SGPP1: variants seen among roughly 807,000 people sequenced by gnomAD.
SGPP1 encodes the protein hSPP1.
In SGPP1, 21 loss-of-function variants were observed where a neutral mutation model predicts 33.0. The observed-to-expected ratio is 0.64, with a 90% CI of 0.45 to 0.92. The LOEUF (loss-of-function observed/expected upper bound fraction) is 0.92, where lower values mean the gene tolerates loss of function less well. SGPP1 is among the 40% of genes least tolerant of loss of function. The pLI is 0.00. For missense variants in SGPP1, 543 were observed against 589.4 expected, an observed-to-expected ratio of 0.92 and a Z score of 0.81; for synonymous variants, 239 against 241.2, an observed-to-expected ratio of 0.99 and a Z score of 0.08.
chr14:63,710,735 T>C (rs568460987), intron 1 of SGPP1, among the ~76,000 whole-genome samples: 24 of 152,354 alleles, frequency 1.6e-4, no homozygotes, highest in African/African-American at 5.1e-4. Context: ...CCAGACTCTG[T>C]ACCTGTTCTC....
At chr14:63,687,947 CCT>C (rs1885014630) in intron 2 of SGPP1, among the ~76,000 whole-genome samples, 1 of 152,022 alleles carries the variant, frequency 6.6e-6, no homozygotes, top group Non-Finnish European at 1.5e-5. Context: ...ATGGTGAAAC[CCT>C]GTCTCTACTA....
At chr14:63,702,355 T>G (rs1420635404) in intron 1 of SGPP1, among the ~76,000 whole-genome samples, 2 of 152,152 alleles carry the variant, frequency 1.3e-5, no homozygotes, top group African/African-American at 2.4e-5. Context: ...TTGACCGACT[T>G]TTTTTGGTCA....
chr14:63,718,990 A>T (rs956712726), intron 1 of SGPP1, among the ~76,000 whole-genome samples: 1 of 15,908 alleles, frequency 6.3e-5, no homozygotes, highest in Non-Finnish European at 1.2e-4. Context: ...ATATATATAT[A>T]TATATATATA....
At chr14:63,711,678 G>C (rs2139647298) in intron 1 of SGPP1, among the ~76,000 whole-genome samples, 1 of 152,260 alleles carries the variant, frequency 6.6e-6, no homozygotes, top group Middle Eastern at 3.4e-3. Flanking sequence ...TGATTTAAAT[G>C]TTAAACTTGT....
intron 1 of SGPP1, among the ~76,000 whole-genome samples, chr14:63,708,208 A>G (rs1334263286): frequency 1.4e-5 from 2 of 138,696 alleles, no homozygotes; most frequent in African/African-American, 5.4e-5. Flanking sequence ...ACCTAACCCA[A>G]TCTTTCTTTT....
chr14:63,687,229 C>G (rs1307620298), intron 2 of SGPP1, among the ~76,000 whole-genome samples: 1 of 151,994 alleles, frequency 6.6e-6, no homozygotes, highest in South Asian at 2.1e-4. Context: ...TCACTTGAGG[C>G]CAGGAGTTCA....
intron 2 of SGPP1, among the ~76,000 whole-genome samples, chr14:63,688,315 C>CAAAAAAAAAAA (rs71120275): frequency 1.9e-4 from 6 of 31,412 alleles, no homozygotes; most frequent in African/African-American, 6.0e-4. Flanking sequence ...GACTCTGTCT[C>CAAAAAAAAAAA]AAAAAAAAAA....
intron 2 of SGPP1, among the ~76,000 whole-genome samples, chr14:63,692,004 TA>T (rs1885102447): frequency 6.6e-6 from 1 of 152,198 alleles, no homozygotes; most frequent in African/African-American, 2.4e-5. Flanking sequence ...AGGTATTCTT[TA>T]GACTCATCAC....
chr14:63,714,537 C>T (rs1885581865), intron 1 of SGPP1, among the ~76,000 whole-genome samples: 1 of 152,090 alleles, frequency 6.6e-6, no homozygotes, highest in Non-Finnish European at 1.5e-5. Context: ...CCTCCCACCT[C>T]AGCTTCCCAA....
chr14:63,688,719 TTTTTTC>T lies in SGPP1; in HGVS notation c.775-2069_775-2064del, dbSNP rs1210956474. Reference sequence around the variant, plus strand: ...TTCAAAAACAACCGTCATTTCTTTTTTTTTTCTTTTTTTTTTTTTTGAGATGGAGTC... The same window carrying T: ...TTCAAAAACAACCGTCATTTCTTTTTTTTTTTTTTTTTTTGAGATGGAGTC... On this transcript the variant is annotated intron_variant, in intron 2 of 2. Transcript: ENST00000247225. 5.0e-3 allele frequency among the ~76,000 whole-genome samples: 715 copies of T among 144,264 alleles called. 10 individuals are homozygous for T. The highest frequency in any genetic ancestry group is 0.02 in the African/African-American group (695 of 35,256). The allele number at this position is 144,264 out of a possible 152,430, so 94.6% of individuals were successfully genotyped here.
chr14:63,704,955 G>A (rs188329768), intron 1 of SGPP1, among the ~76,000 whole-genome samples: 19 of 152,094 alleles, frequency 1.2e-4, no homozygotes, highest in African/African-American at 4.6e-4. Context: ...GTGAGACCCT[G>A]TCTCTATGAA....
intron 1 of SGPP1, among the ~76,000 whole-genome samples, chr14:63,722,592 TAA>T (rs1491082613): frequency 2.7e-5 from 4 of 147,048 alleles, no homozygotes; most frequent in African/African-American, 1.1e-4. Context: ...TTATAAAATA[TAA>T]TTATTATAAT....
Position 63,727,811 on chromosome 14 carries a change from G to T in SGPP1, c.134C>A (p.Ala45Glu). ...RSADRREDEK[A>E]EAPLAGDPRL... ...AGGGTCTCCGGCGAGAGGCGCCTCC[G>T]CTTTCTCATCCTCCCTCCGGTCTGC... Residue 45 changes from alanine (A) to glutamate (E), a missense_variant, in exon 1 of 3, where the codon GCG becomes GAG. By Grantham distance (107) the Ala-to-Glu change is moderately radical. Coordinates refer to ENST00000247225, the MANE Select transcript of SGPP1 (RefSeq NM_030791.4). 6.6e-7 allele frequency: 1 copy of T among 1,506,512 alleles called. No individual in the cohort carries two copies. The allele number at this position is 1,506,512 out of a possible 1,614,324, so 93.3% of individuals were successfully genotyped here. A position where few individuals can be genotyped will look rare whatever the true frequency, so the allele number is the denominator to read the frequency against.
At chr14:63,707,878 G>A (rs1272725846) in intron 1 of SGPP1, among the ~76,000 whole-genome samples, 1 of 152,076 alleles carries the variant, frequency 6.6e-6, no homozygotes, top group African/African-American at 2.4e-5. Context: ...CTCCAGGGTT[G>A]AGAACAAATC....
intron 1 of SGPP1, among the ~76,000 whole-genome samples, chr14:63,709,267 G>A (rs777652492): frequency 1.3e-5 from 2 of 151,812 alleles, no homozygotes; most frequent in African/African-American, 4.8e-5. Flanking sequence ...CCAGCTACTC[G>A]GGAGGCTGAG....
chr14:63,709,156 C>T (rs1885474402), intron 1 of SGPP1, among the ~76,000 whole-genome samples: 1 of 152,132 alleles, frequency 6.6e-6, no homozygotes, highest in Admixed American at 6.5e-5. Flanking sequence ...GGGTGGATCA[C>T]CTGAGGTCAG....
chr14:63,690,174 G>A (rs1885062541), intron 2 of SGPP1, among the ~76,000 whole-genome samples: 1 of 152,128 alleles, frequency 6.6e-6, no homozygotes, highest in Non-Finnish European at 1.5e-5. Context: ...TGAGTAACTG[G>A]GACTACAAGC....
Position 63,727,522 on chromosome 14 carries a change from T to G in SGPP1, c.423A>C (p.Glu141Asp), listed in dbSNP as rs1475716447. 6.2e-7 allele frequency: 1 copy of G among 1,613,902 alleles called. No individual in the cohort carries two copies. The highest frequency in any genetic ancestry group is 8.5e-7 in the Non-Finnish European group (1 of 1,179,974). The stretch of plus-strand genomic sequence containing the variant: ...AGGGGAAGAACAGGATGTAGAAGAG[T>G]TCGTTGCCCAGCTCCGTGCCGAAGC... ...LFCFGTELGN[E>D]LFYILFFPFW... is the part of the protein sequence containing the mutation. The change falls in exon 1 of 3, where the codon GAA becomes GAC. Residue 141 changes from glutamate to aspartate, a missense_variant. Transcript: ENST00000247225.
intron 1 of SGPP1, among the ~76,000 whole-genome samples, chr14:63,708,228 A>ACTCACTG (rs945448096): frequency 4.4e-5 from 6 of 135,022 alleles, no homozygotes; most frequent in Non-Finnish European, 9.6e-5. Context: ...TTTTCTTGGT[A>ACTCACTG]CTCACTGGCT....
Sources: allele counts gnomAD v4.1 joint callset (sites outside exome capture counted in the v4.1 genomes callset), GRCh38; gene constraint gnomAD v4.1.1; transcripts MANE v1.5; gene names NCBI Gene and HGNC (gene_info 2026-07-23, HGNC 2026-07-21).